NLRP12: variants seen among roughly 807,000 people sequenced by gnomAD.
NLRP12 encodes the protein NACHT, LRR and PYD domains-containing protein 12.
NLRP12 carries 108 observed loss-of-function variants against 91.2 expected under a neutral mutation model. The observed-to-expected ratio is 1.18, with a 90% confidence interval of 1.01 to 1.39. NLRP12 has a LOEUF of 1.39. Ranked by LOEUF, NLRP12 falls within the 40% of genes most tolerant of loss-of-function variation. NLRP12 has a pLI of 0.00. For synonymous variants in NLRP12, 613 were observed against 566.7 expected (o/e 1.08, Z -1.16); for missense variants, 1,530 against 1,352.7 (o/e 1.13, Z -2.06).
In NLRP12 at chr19:53,798,265, C is replaced by G. The variant is rs754537076; in HGVS notation, c.2905G>C (p.Ala969Pro). 2.9e-5 allele frequency: 47 copies of G among 1,614,046 alleles called. No individual in the cohort carries two copies. The highest frequency in any genetic ancestry group is 1.5e-4 in the South Asian group (14 of 91,088). Reference protein sequence around the residue: ...WLLAEGLQHPACRLQKLWLDS... With the variant: ...WLLAEGLQHPPCRLQKLWLDS... ...CACCACAGTTTCTGGAGTCTGCAGG[C>G]GGGATGTTGCAGCCCCTCAGCCAGC... The change falls in exon 8 of 10, where the codon GCC becomes CCC. Residue 969 changes from alanine (A) to proline (P), a missense_variant. By Grantham distance (27) the Ala-to-Pro change is conservative. Coordinates refer to ENST00000324134, the MANE Select transcript of NLRP12 (RefSeq NM_144687.4).
At chr19:53,811,940 T>C (rs1599846671) in intron 2 of NLRP12, among the ~76,000 whole-genome samples, 1 of 152,182 alleles carries the variant, frequency 6.6e-6, no homozygotes, top group South Asian at 2.1e-4. Flanking sequence ...TCTGCCTTTT[T>C]TCAAAGGGGG....
intron 4 of NLRP12, among the ~76,000 whole-genome samples, chr19:53,807,002 G>A (rs540052154): frequency 1.3e-5 from 2 of 152,198 alleles, no homozygotes; most frequent in South Asian, 4.1e-4. Flanking sequence ...TCCTTGTCTT[G>A]GACTTCCAGC....
chr19:53,813,601 G>A (rs780811407), intron 2 of NLRP12, among the ~76,000 whole-genome samples: 4 of 148,532 alleles, frequency 2.7e-5, no homozygotes, highest in East Asian at 4.2e-4. Context: ...CATGCCGGGC[G>A]TGGCAACTGC....
At chr19:53,823,104 T>TACACACACATATATATACACATATACAC (rs1555799764) in intron 1 of NLRP12, among the ~76,000 whole-genome samples, 34 of 141,146 alleles carry the variant, frequency 2.4e-4, no homozygotes, top group Non-Finnish European at 4.1e-4. Context: ...CACACACATA[T>TACACACACATATATATACACATATACAC]ACACACACAT....
chr19:53,820,108 G>T (rs555247436), intron 1 of NLRP12, among the ~76,000 whole-genome samples: 1 of 152,216 alleles, frequency 6.6e-6, no homozygotes, highest in Non-Finnish European at 1.5e-5. Flanking sequence ...GTTCACCAAA[G>T]TTTGCTCGGT....
chr19:53,805,361 C>G lies in NLRP12; in HGVS notation c.2333G>C (p.Ser778Thr). The G allele has an allele frequency of 6.2e-7, 1 of 1,614,132 alleles. No individual in the cohort carries two copies. Among genetic ancestry groups the G allele is most frequent in the Non-Finnish European group, 8.5e-7 (1 of 1,180,016 alleles). Residue 778 changes from serine to threonine, a missense_variant, in exon 5 of 10, where the codon AGT (serine) becomes ACT (threonine). By Grantham distance (58) the Ser-to-Thr change is moderately conservative. Coordinates refer to ENST00000324134, the MANE Select transcript of NLRP12 (RefSeq NM_144687.4). ...ANKNLTRMDLSGNGVGFPGMM... is the reference protein window; with the variant it reads ...ANKNLTRMDLTGNGVGFPGMM... Reference sequence around the variant, plus strand: ...GCCTGGGAATCCAACGCCGTTGCCACTGAGATCCATCCTTGTCAAATTCTT... The same window carrying G: ...GCCTGGGAATCCAACGCCGTTGCCAGTGAGATCCATCCTTGTCAAATTCTT...
intron 6 of NLRP12, 50 bp downstream of exon 6, chr19:53,803,902 A>G (rs754247307): frequency 1.3e-6 from 2 of 1,567,698 alleles, no homozygotes; most frequent in South Asian, 2.2e-5. Flanking sequence ...CCATCATTCA[A>G]TATGAAGAGA....
intron 9 of NLRP12, among the ~76,000 whole-genome samples, chr19:53,795,068 G>A (rs2091725576): frequency 1.3e-5 from 2 of 151,446 alleles, no homozygotes; most frequent in African/African-American, 4.9e-5. Context: ...CCCCTGAGTA[G>A]CTTTGATTAG....
At chr19:53,801,066 G>A (rs1277543756) in intron 7 of NLRP12, among the ~76,000 whole-genome samples, 161 bp downstream of exon 7, 4 of 149,396 alleles carry the variant, frequency 2.7e-5, no homozygotes, top group East Asian at 2.0e-4. Flanking sequence ...GGTGGCGGGC[G>A]CCTGTAATCT....
chr19:53,804,251 G>C, intron 5 of NLRP12, 129 bp from the exon 6 acceptor site: 1 of 1,043,608 alleles, frequency 9.6e-7, no homozygotes, highest in Non-Finnish European at 1.4e-6. Context: ...GAAGTTCAGT[G>C]GAGTGATATC....
intron 2 of NLRP12, 139 bp downstream of exon 2, chr19:53,814,768 CA>C (rs1162369338): frequency 2.7e-6 from 2 of 743,876 alleles, no homozygotes; most frequent in Non-Finnish European, 4.9e-6. Flanking sequence ...AGTTGAAACA[CA>C]GGAGGAAACT....
intron 8 of NLRP12, 55 bp downstream of exon 8, chr19:53,798,188 G>A: frequency 6.4e-7 from 1 of 1,570,750 alleles, no homozygotes; most frequent in Admixed American, 1.7e-5. Context: ...GGATGAGAAG[G>A]CGCTTCCACT....
chr19:53,815,225 C>CTTTTTTTT lies in NLRP12; in HGVS notation c.290-245_290-238dup, dbSNP rs59179749. ...TGGCACCTCCATCCATCCAATCAGT[C>CTTTTTTTT]TTTTTTTTTTTTTTTTTTTTTGAGA... On this transcript the variant is annotated intron_variant, in intron 1 of 9. Transcript: ENST00000324134. 2.7e-4 allele frequency among the ~76,000 whole-genome samples: 26 copies of CTTTTTTTT among 96,972 alleles called. 1 individual carries two copies. The highest frequency in any genetic ancestry group is 3.8e-4 in the South Asian group (1 of 2,652). The allele number at this position is 96,972 out of a possible 152,430, so 63.6% of individuals were successfully genotyped here. A position where few individuals can be genotyped will look rare whatever the true frequency, so the allele number is the denominator to read the frequency against.
At chr19:53,794,852 C>T (rs1600665793) in intron 9 of NLRP12, among the ~76,000 whole-genome samples, 1 of 151,724 alleles carries the variant, frequency 6.6e-6, no homozygotes, top group Admixed American at 6.6e-5. Context: ...TAGAGCCACC[C>T]GCTCCCAGCC....
intron 4 of NLRP12, among the ~76,000 whole-genome samples, chr19:53,807,136 C>T (rs974052542): frequency 2.0e-5 from 3 of 152,040 alleles, no homozygotes; most frequent in African/African-American, 4.8e-5. Flanking sequence ...GGCACAATCC[C>T]GGCTCACTGC....
chr19:53,820,971 G>A lies in NLRP12; in HGVS notation c.289+2915C>T, dbSNP rs548752194. Among the ~76,000 whole-genome samples the A allele has an allele frequency of 7.0e-4, 104 of 149,360 alleles. 2 individuals are homozygous for A. Among genetic ancestry groups the A allele is most frequent in the African/African-American group, 2.5e-3 (102 of 40,642 alleles). Reference sequence around the variant, plus strand: ...GCACTTGCTACCTGCTCTGAATTGTGTTAAGCACTTTGCATGTATTATCTC... The same window carrying A: ...GCACTTGCTACCTGCTCTGAATTGTATTAAGCACTTTGCATGTATTATCTC... On this transcript the variant is annotated intron_variant, in intron 1 of 9. Coordinates refer to ENST00000324134, the MANE Select transcript of NLRP12 (RefSeq NM_144687.4).
chr19:53,824,094 C>T lies in NLRP12; in HGVS notation c.81G>A (p.Lys27=). Residue 27 remains lysine (K), a synonymous_variant, in exon 1 of 10, where the codon AAG becomes AAA. Coordinates refer to ENST00000324134, the MANE Select transcript of NLRP12 (RefSeq NM_144687.4). ...TCGCGGTCCCCAGGTATAACTTGAA[C>T]TTCTTCAGTTCCACAGCCTCGAGTT... ...LEELEAVELK[K]FKLYLGTATE... 2.5e-6 allele frequency: 4 copies of T among 1,614,106 alleles called. No homozygotes were observed. The highest frequency in any genetic ancestry group is 3.4e-6 in the Non-Finnish European group (4 of 1,180,004).
At chr19:53,812,013 G>A (rs2092084668) in intron 2 of NLRP12, among the ~76,000 whole-genome samples, 1 of 152,092 alleles carries the variant, frequency 6.6e-6, no homozygotes, top group Non-Finnish European at 1.5e-5. Context: ...CAGGTGGGAG[G>A]ATCGCCTGAA....
In NLRP12 at chr19:53,810,238, A is replaced by G. The variant is rs370793207; in HGVS notation, c.1421T>C (p.Ile474Thr). The G allele has an allele frequency of 6.2e-7, 1 of 1,613,936 alleles. No homozygotes were observed. Among genetic ancestry groups the G allele is most frequent in the Non-Finnish European group, 8.5e-7 (1 of 1,180,004 alleles). ...CCGGAGGTCCTGCTCCTCAAATAGG[A>G]TTTTCTGATTCCAGAGCCCATCTGC... is the stretch of plus-strand genomic sequence containing the variant. ...LAADGLWNQKILFEEQDLRKH... is the reference protein window; with the variant it reads ...LAADGLWNQKTLFEEQDLRKH... The change falls in exon 3 of 10, where the codon ATC (isoleucine) becomes ACC (threonine). Residue 474 changes from isoleucine to threonine, a missense_variant. Ile to Thr is a moderately conservative substitution (Grantham distance 89). Transcript: ENST00000324134.
Sources: allele counts gnomAD v4.1 joint callset (sites outside exome capture counted in the v4.1 genomes callset), GRCh38; gene constraint gnomAD v4.1.1; transcripts MANE v1.5; gene names NCBI Gene and HGNC (gene_info 2026-07-23, HGNC 2026-07-21).